Variants in ZNF529 observed in about 807,000 individuals in gnomAD.
The protein encoded by ZNF529 is zinc finger protein 529.
In ZNF529, 11 loss-of-function variants were observed where a neutral mutation model predicts 10.1. The observed-to-expected ratio is 1.09, with a 90% CI of 0.69 to 1.81. The LOEUF (loss-of-function observed/expected upper bound fraction) is 1.81, where lower values mean the gene tolerates loss of function less well. Ranked by LOEUF, ZNF529 falls within the 40% of genes most tolerant of loss-of-function variation. The probability of loss-of-function intolerance (pLI) is 0.00; values close to 1 mark genes in which losing one functional copy is unlikely to be tolerated. For synonymous variants in ZNF529, 204 were observed against 215.7 expected, an observed-to-expected ratio of 0.95 and a Z score of 0.47; for missense variants, 624 against 666.8, an observed-to-expected ratio of 0.94 and a Z score of 0.71.
At position 36,572,317 on chromosome 19, in the gene ZNF529, A is replaced by T. The variant is rs1230363855; in HGVS notation, c.14+16T>A. ...AAACCAAGGGACCAGGTAAATGAAC[A>T]AAAAAAAAAACTAACCTTGAGTTGG... is the stretch of plus-strand genomic sequence containing the variant. On this transcript the variant is annotated intron_variant, in intron 2 of 4. Transcript: ENST00000591340. The T allele has an allele frequency of 1.7e-6, 2 of 1,185,204 alleles. No individual in the cohort carries two copies. The highest frequency in any genetic ancestry group is 5.7e-5 in the East Asian group (2 of 35,214). The allele number at this position is 1,185,204 out of a possible 1,614,324, so 73.4% of individuals were successfully genotyped here. A position where few individuals can be genotyped will look rare whatever the true frequency, so the allele number is the denominator to read the frequency against.
chr19:36,578,291 C>CTTTTTTTTTT (rs1159725232), upstream of ZNF529, among the ~76,000 whole-genome samples: 74 of 31,818 alleles, frequency 2.3e-3, 25 homozygotes, highest in Non-Finnish European at 3.4e-3. Context: ...GTCTTGATCT[C>CTTTTTTTTTT]TTTTTTTTTT....
chr19:36,561,655 G>C (rs1375101121), intron 2 of ZNF529, among the ~76,000 whole-genome samples: 1 of 152,120 alleles, frequency 6.6e-6, no homozygotes, highest in African/African-American at 2.4e-5. Flanking sequence ...CCAAACCCTA[G>C]ACCTGTAGAG....
intron 1 of ZNF529, among the ~76,000 whole-genome samples, chr19:36,593,237 G>A (rs1012033465): frequency 2.6e-5 from 4 of 152,118 alleles, no homozygotes; most frequent in African/African-American, 7.2e-5. Flanking sequence ...GTTCAGTGGC[G>A]TGATCACCGC....
intron 2 of ZNF529, chr19:36,581,397 G>T (rs550413314): frequency 6.6e-6 from 1 of 152,288 alleles, no homozygotes; most frequent in African/African-American, 2.4e-5. Flanking sequence ...TGAGAGGAAT[G>T]TTAAGTACTT....
chr19:36,550,066 T>C (rs966871400), intron 4 of ZNF529, among the ~76,000 whole-genome samples: 4 of 152,144 alleles, frequency 2.6e-5, no homozygotes, highest in Non-Finnish European at 5.9e-5. Flanking sequence ...GAGAAGGGAA[T>C]GCCTGAGGAA....
rs2035030169 is a variant in ZNF529 at position 36,546,581 on chromosome 19, TA to T, written c.*284del. On this transcript the variant is annotated 3_prime_UTR_variant, in exon 5 of 5. Transcript: ENST00000591340. ...AAAAACTGAATAGTCAAAAGAGCAATAATACAAACATCAAAAGCTATTGTAA... is the reference window on the plus strand; with the variant it reads ...AAAAACTGAATAGTCAAAAGAGCAATATACAAACATCAAAAGCTATTGTAA... 6.5e-6 allele frequency: 2 copies of T among 306,494 alleles called. No individual in the cohort carries two copies. Among genetic ancestry groups the T allele is most frequent in the South Asian group, 1.8e-4 (2 of 11,402 alleles). 19.0% of individuals were successfully genotyped at this position (306,494 alleles called of 1,614,324 possible).
rs762558120 is a variant in ZNF529, at chr19:36,546,977, A to T, written c.1581T>A (p.Ile527=). 2 of 1,614,008 alleles carry T rather than the reference A, an allele frequency of 1.2e-6. No individual in the cohort carries two copies. The highest frequency in any genetic ancestry group is 1.7e-6 in the Non-Finnish European group (2 of 1,179,908). ...ATTCATAGGGTTTATCATCAGTATGAATGCGCTGATGTTTGGTAAAGGATG... is the reference window on the plus strand; with the variant it reads ...ATTCATAGGGTTTATCATCAGTATGTATGCGCTGATGTTTGGTAAAGGATG... ...HSSSFTKHQR[I]HTDDKPYECK... Residue 527 remains isoleucine (I), a synonymous_variant, in exon 5 of 5, where the codon ATT becomes ATA. Transcript: ENST00000591340.
chr19:36,588,819 C>T (rs1401055202), intron 2 of ZNF529, among the ~76,000 whole-genome samples: 5 of 152,162 alleles, frequency 3.3e-5, no homozygotes, highest in African/African-American at 1.2e-4. Flanking sequence ...CCCAACGAAT[C>T]TCTTCAACTG....
chr19:36,567,495 G>A (rs1360543536), intron 2 of ZNF529, among the ~76,000 whole-genome samples: 2 of 151,882 alleles, frequency 1.3e-5, no homozygotes, highest in Non-Finnish European at 2.9e-5. Flanking sequence ...GTGGGGTGCA[G>A]TGGCGCCATC....
At position 36,571,208 on chromosome 19, in the gene ZNF529, G is replaced by A. The variant is rs1406674110; in HGVS notation, c.14+1125C>T. ...ACTGAAAATTTAGCATCCAAATTGA[G>A]ACATGCAATAACAATAAAACATATA... is the stretch of plus-strand genomic sequence containing the variant. On this transcript the variant is annotated intron_variant, in intron 2 of 4. Transcript: ENST00000591340. Among the ~76,000 whole-genome samples the A allele has an allele frequency of 2.0e-5, 3 of 152,072 alleles. No homozygotes were observed. In the East Asian group the frequency reaches 5.8e-4, roughly 29 times the overall value.
chr19:36,548,435 A>G, intron 4 of ZNF529, 113 bp from the exon 5 acceptor site: 1 of 1,035,508 alleles, frequency 9.7e-7, no homozygotes, highest in Non-Finnish European at 1.4e-6. Context: ...AAATACTGTC[A>G]TGAAAGATAA....
rs76658685 is a variant in ZNF529 at position 36,558,366 on chromosome 19, T to C, written c.15-2169A>G. ...GGATAAATGCATAGAGATCCAAACA[T>C]AGATGCATCATTATAAAAGCACTGA... On this transcript the variant is annotated intron_variant, in intron 2 of 4. Coordinates refer to ENST00000591340, the MANE Select transcript of ZNF529 (RefSeq NM_020951.5). Among the ~76,000 whole-genome samples the C allele has an allele frequency of 9.9e-3, 1,513 of 152,070 alleles. 28 individuals are homozygous for C. Among genetic ancestry groups the C allele is most frequent in the African/African-American group, 0.034 (1,426 of 41,486 alleles).
chr19:36,576,206 A>G (rs1052468726), upstream of ZNF529, among the ~76,000 whole-genome samples: 7 of 152,130 alleles, frequency 4.6e-5, no homozygotes, highest in Admixed American at 2.0e-4. Context: ...AAAAGAATCC[A>G]AAAGAGCAAG....
chr19:36,570,536 G>C (rs982253196), intron 2 of ZNF529, among the ~76,000 whole-genome samples: 4 of 152,132 alleles, frequency 2.6e-5, no homozygotes, highest in Admixed American at 2.0e-4. Flanking sequence ...CTGGAAGCTT[G>C]CACCTGGTTT....
At chr19:36,583,622 C>T (rs2036518799) in intron 2 of ZNF529, among the ~76,000 whole-genome samples, 1 of 150,402 alleles carries the variant, frequency 6.6e-6, no homozygotes, top group Admixed American at 6.7e-5. Context: ...ATAAAGTTGG[C>T]ACCTACAAGA....
intron 4 of ZNF529, among the ~76,000 whole-genome samples, chr19:36,554,018 C>T (rs1321315990): frequency 6.6e-6 from 1 of 151,934 alleles, no homozygotes; most frequent in African/African-American, 2.4e-5. Context: ...GCAGATATTC[C>T]AAAATCTGAA....
chr19:36,594,391 A>T (rs959894884), intron 1 of ZNF529: 4 of 152,220 alleles, frequency 2.6e-5, no homozygotes, highest in Non-Finnish European at 5.9e-5. Context: ...TGTGTATCTA[A>T]CAAGGCTAGG....
intron 2 of ZNF529, among the ~76,000 whole-genome samples, chr19:36,563,371 C>T (rs940196805): frequency 1.3e-5 from 2 of 149,958 alleles, no homozygotes; most frequent in African/African-American, 4.9e-5. Flanking sequence ...TGCAGTAAGC[C>T]GAGATCACAC....
intron 2 of ZNF529, among the ~76,000 whole-genome samples, chr19:36,561,295 T>G (rs943659854): frequency 2.0e-5 from 3 of 151,992 alleles, no homozygotes; most frequent in Non-Finnish European, 4.4e-5. Context: ...GAGGGCAAAG[T>G]GGTGAACCTC....
Sources: gnomAD v4.1 joint callset for allele counts (sites outside exome capture counted in the v4.1 genomes callset) on GRCh38, gnomAD v4.1.1 for gene constraint, MANE v1.5 for transcripts, NCBI Gene and HGNC (gene_info 2026-07-23, HGNC 2026-07-21) for gene names.